The following RILP variants were observed in gnomAD, a reference collection of about 807,000 sequenced individuals.
RILP encodes the protein rab-interacting lysosomal protein.
In RILP, 53 loss-of-function variants were observed where a neutral mutation model predicts 40.0. That is an observed-to-expected ratio of 1.32 (90% confidence interval 1.06 to 1.66). The LOEUF is 1.66. Among genes scored for constraint, RILP ranks in the 40% most tolerant of loss-of-function variants. The probability of loss-of-function intolerance (pLI) is 0.00; values close to 1 mark genes in which losing one functional copy is unlikely to be tolerated. For synonymous variants in RILP, 272 were observed against 250.6 expected, an observed-to-expected ratio of 1.09 and a Z score of -0.80; for missense variants, 626 against 551.7, an observed-to-expected ratio of 1.13 and a Z score of -1.35.
chr17:1,647,359 C>G (rs1567669759), intron 6 of RILP, among the ~76,000 whole-genome samples: 1 of 152,032 alleles, frequency 6.6e-6, no homozygotes, highest in Non-Finnish European at 1.5e-5. Flanking sequence ...ACGCTGGTCT[C>G]GAACTCCTGA....
chr17:1,648,314 G>A lies in RILP; in HGVS notation c.821+36C>T, dbSNP rs1180425893. The A allele has an allele frequency of 1.2e-6, 2 of 1,604,068 alleles. No homozygotes were observed. Among genetic ancestry groups the A allele is most frequent in the South Asian group, 1.1e-5 (1 of 89,434 alleles). ...GTCAATGACTGGAGAATGAGGTGGG[G>A]TGATCGGAGGCCCCCCGGCTTCCCA... On this transcript the variant is annotated intron_variant, in intron 5 of 7. Transcript: ENST00000301336. This position sits in a 1 kb window ranked among gnomAD's most constrained non-coding sequence, Gnocchi z 4.9.
At position 1,648,877 on chromosome 17, in the gene RILP, C is replaced by T. The variant is rs76453306; in HGVS notation, c.597G>A (p.Gly199=). 0.023 allele frequency: 35,225 copies of T among 1,531,784 alleles called. 4,616 individuals are homozygous for T. In the African/African-American group the frequency reaches 0.35, roughly 15 times the overall value. 94.9% of individuals were successfully genotyped at this position (1,531,784 alleles called of 1,614,324 possible). ...CCTGTCCGTGCTGGTGCCCGGGCCGCCCGGCCTGCCCCCGCGCTCGCTCTT... is the reference window on the plus strand; with the variant it reads ...CCTGTCCGTGCTGGTGCCCGGGCCGTCCGGCCTGCCCCCGCGCTCGCTCTT... ...QAKERARGQA[G]RPGHQHGQEP... Residue 199 remains glycine (G), a synonymous_variant, in exon 4 of 8, where the codon GGG becomes GGA. Transcript: ENST00000301336. The surrounding 1 kb of genome is among the most constrained non-coding windows in gnomAD (Gnocchi z 4.9).
Position 1,648,319 on chromosome 17 carries a change from C to A in RILP, c.821+31G>T, listed in dbSNP as rs1416398413. 3 of 1,605,772 alleles carry A rather than the reference C, an allele frequency of 1.9e-6. No individual in the cohort carries two copies. The highest frequency in any genetic ancestry group is 1.7e-4 in the Middle Eastern group (1 of 6,016). On this transcript the variant is annotated intron_variant, in intron 5 of 7. Coordinates refer to ENST00000301336, the MANE Select transcript of RILP (RefSeq NM_031430.3). The surrounding 1 kb of genome is among the most constrained non-coding windows in gnomAD (Gnocchi z 4.9). ...TGACTGGAGAATGAGGTGGGGTGAT[C>A]GGAGGCCCCCCGGCTTCCCAGCGTC...
intron 6 of RILP, 58 bp downstream of exon 6, chr17:1,647,777 G>C: frequency 6.2e-7 from 1 of 1,609,708 alleles, no homozygotes; most frequent in South Asian, 1.1e-5. Context: ...TGGGTCATCA[G>C]GCTCAGCAGA....
intron 6 of RILP, among the ~76,000 whole-genome samples, chr17:1,647,566 T>C (rs1263602233): frequency 6.6e-6 from 1 of 151,998 alleles, no homozygotes; most frequent in African/African-American, 2.4e-5. Context: ...AGAGGCAGTG[T>C]TGTCAGGCAG....
chr17:1,647,752 A>G, intron 6 of RILP, 83 bp downstream of exon 6: 1 of 1,565,898 alleles, frequency 6.4e-7, no homozygotes, highest in Admixed American at 1.7e-5. Flanking sequence ...CAATGGGCTC[A>G]GAGGGTGACC....
At position 1,649,488 on chromosome 17, in the gene RILP, C is replaced by T. The variant is rs1910840727; in HGVS notation, c.246G>A (p.Gln82=). 2 of 1,511,122 alleles carry T rather than the reference C, an allele frequency of 1.3e-6. No homozygotes were observed. The highest frequency in any genetic ancestry group is 5.2e-5 in the East Asian group (2 of 38,516). The allele number at this position is 1,511,122 out of a possible 1,614,324, so 93.6% of individuals were successfully genotyped here. A position where few individuals can be genotyped will look rare whatever the true frequency, so the allele number is the denominator to read the frequency against. The change falls in exon 2 of 8, where the codon CAG becomes CAA. Residue 82 remains glutamine, a synonymous_variant. Coordinates refer to ENST00000301336, the MANE Select transcript of RILP (RefSeq NM_031430.3). This position sits in a 1 kb window ranked among gnomAD's most constrained non-coding sequence, Gnocchi z 4.3. ...PAPDSLQVSA[Q]PAEQELRRLR... is the part of the protein sequence containing the mutation. The stretch of plus-strand genomic sequence containing the variant: ...GCCGCCGCAGCTCCTGCTCCGCCGG[C>T]TGCGCCGACACCTGCAGCTGGGGAG...
rs1332980590 is a variant in RILP, at chr17:1,649,624, C to G, written c.181G>C (p.Ala61Pro). 2 of 1,582,448 alleles carry G rather than the reference C, an allele frequency of 1.3e-6. No homozygotes were observed. Among genetic ancestry groups the G allele is most frequent in the Non-Finnish European group, 1.7e-6 (2 of 1,172,326 alleles). The change falls in exon 1 of 8, where the codon GCG becomes CCG. Residue 61 changes from alanine to proline, a missense_variant. Physicochemically the swap from Ala to Pro is conservative, Grantham distance 27. Transcript: ENST00000301336. The surrounding 1 kb of genome is among the most constrained non-coding windows in gnomAD (Gnocchi z 4.3). ...GCAGCCTGTTCCAAGAGCTCCAGCG[C>G]CCGCACCACTAGCGGCACCAGCCCG... ...AAGLVPLVVR[A>P]LELLEQAAVG...
chr17:1,647,877 A>G lies in RILP; in HGVS notation c.902T>C (p.Ile301Thr). 5.6e-6 allele frequency: 9 copies of G among 1,614,088 alleles called. No individual in the cohort carries two copies. The highest frequency in any genetic ancestry group is 5.9e-6 in the Non-Finnish European group (7 of 1,179,988). Residue 301 changes from isoleucine to threonine, a missense_variant, in exon 6 of 8, where the codon ATC (isoleucine) becomes ACC (threonine). Transcript: ENST00000301336. Reference protein sequence around the residue: ...KVAVRKQRKKIKAKMLGTPEE... With the variant: ...KVAVRKQRKKTKAKMLGTPEE... ...TGGTGTCCCTAACATCTTGGCCTTG[A>G]TCTTCTTCCGCTGCTTCCGGACAGC... is the stretch of plus-strand genomic sequence containing the variant.
At position 1,649,296 on chromosome 17, in the gene RILP, C is replaced by G; in HGVS notation, c.333G>C (p.Ala111=). ...ELRAGPQEER[A]LLRQLKEVTD... ...TGACCTCCTTGAGCTGCCGCAGCAG[C>G]GCGCGCTCCTCTGAGGAAGGGGCGT... Residue 111 remains alanine (A), a synonymous_variant, in exon 3 of 8, where the codon GCG becomes GCC. Transcript: ENST00000301336. The surrounding 1 kb of genome is among the most constrained non-coding windows in gnomAD (Gnocchi z 4.3). 5 of 1,503,460 alleles carry G rather than the reference C, an allele frequency of 3.3e-6. No homozygotes were observed. The highest frequency in any genetic ancestry group is 4.4e-6 in the Non-Finnish European group (5 of 1,133,142). 93.1% of individuals were successfully genotyped at this position (1,503,460 alleles called of 1,614,324 possible). A position where few individuals can be genotyped will look rare whatever the true frequency, so the allele number is the denominator to read the frequency against.
At chr17:1,647,054 C>G in intron 6 of RILP, 65 bp from the exon 7 acceptor site, 3 of 1,135,264 alleles carry the variant, frequency 2.6e-6, no homozygotes, top group Non-Finnish European at 2.5e-6. Flanking sequence ...AACAGGAATC[C>G]AGCAGGGGGG....
In RILP at chr17:1,648,350, C is replaced by T. The variant is rs750340879; in HGVS notation, c.821G>A (p.Arg274Gln). 10 of 1,613,054 alleles carry T rather than the reference C, an allele frequency of 6.2e-6. No individual in the cohort carries two copies. Among genetic ancestry groups the T allele is most frequent in the South Asian group, 5.5e-5 (5 of 90,846 alleles). Residue 274 changes from arginine to glutamine, a missense_variant and splice_region_variant, in exon 5 of 8, where the codon CGG becomes CAG. By Grantham distance (43) the Arg-to-Gln change is conservative. Transcript: ENST00000301336. This position sits in a 1 kb window ranked among gnomAD's most constrained non-coding sequence, Gnocchi z 4.9. ...CCCCCCGGCTTCCCAGCGTCCTCAC[C>T]GCTGGAAGTAGGCCAGTTCCTCCTT... ...LLKEELAYFQ[R>Q]ELLTDHRVPG...
In RILP at chr17:1,649,260, C is replaced by T. The variant is rs866925326; in HGVS notation, c.369G>A (p.Gln123=). The change falls in exon 3 of 8, where the codon CAG becomes CAA. Residue 123 remains glutamine, a synonymous_variant. Coordinates refer to ENST00000301336, the MANE Select transcript of RILP (RefSeq NM_031430.3). This position sits in a 1 kb window ranked among gnomAD's most constrained non-coding sequence, Gnocchi z 4.3. ...GGTTGTGCGCCCGGAGTTCGTCCCG[C>T]TGTCGGTCCGTGACCTCCTTGAGCT... ...LRQLKEVTDR[Q]RDELRAHNRD... is the part of the protein sequence containing the mutation. 2.0e-6 allele frequency: 3 copies of T among 1,507,672 alleles called. No homozygotes were observed. The highest frequency in any genetic ancestry group is 2.8e-5 in the East Asian group (1 of 36,142). 93.4% of individuals were successfully genotyped at this position (1,507,672 alleles called of 1,614,324 possible).
At position 1,649,082 on chromosome 17, in the gene RILP, G is replaced by GC; in HGVS notation, c.430-39_430-38insG. 1 of 1,204,300 alleles carries GC rather than the reference G, an allele frequency of 8.3e-7. No homozygotes were observed. The highest frequency in any genetic ancestry group is 1.0e-6 in the Non-Finnish European group (1 of 961,554). 74.6% of individuals were successfully genotyped at this position (1,204,300 alleles called of 1,614,324 possible). ...CAAAGGGTGGGGTGGGCGGGGCACC[G>GC]AGGGCCCCCCGGAGCCCCGCCCAGC... On this transcript the variant is annotated intron_variant, in intron 3 of 7. Transcript: ENST00000301336. This position sits in a 1 kb window ranked among gnomAD's most constrained non-coding sequence, Gnocchi z 4.3.
chr17:1,646,981 T>G lies in RILP; in HGVS notation c.953A>C (p.Glu318Ala). The change falls in exon 7 of 8, where the codon GAG becomes GCG. Residue 318 changes from glutamate to alanine, a missense_variant. By Grantham distance (107) the Glu-to-Ala change is moderately radical. Coordinates refer to ENST00000301336, the MANE Select transcript of RILP (RefSeq NM_031430.3). The surrounding 1 kb of genome is among the most constrained non-coding windows in gnomAD (Gnocchi z 4.3). ...GGAGAGCAGGATCCATGGGCCAGCC[T>G]CATCCTCACTGAGACAGAGGAGAGA... ...TPEEAESSEDEAGPWILLSDD... is the reference protein window; with the variant it reads ...TPEEAESSEDAAGPWILLSDD... 2.5e-6 allele frequency: 4 copies of G among 1,605,238 alleles called. No individual in the cohort carries two copies. The highest frequency in any genetic ancestry group is 3.4e-6 in the Non-Finnish European group (4 of 1,175,306).
Position 1,649,072 on chromosome 17 carries a change from G to C in RILP, c.430-28C>G. The stretch of plus-strand genomic sequence containing the variant: ...GGGAGCGGAGCAAAGGGTGGGGTGG[G>C]CGGGGCACCGAGGGCCCCCCGGAGC... On this transcript the variant is annotated intron_variant, in intron 3 of 7. Transcript: ENST00000301336. This position sits in a 1 kb window ranked among gnomAD's most constrained non-coding sequence, Gnocchi z 4.3. 2 of 209,406 alleles carry C rather than the reference G, an allele frequency of 9.6e-6. No individual in the cohort carries two copies. The highest frequency in any genetic ancestry group is 2.5e-5 in the African/African-American group (1 of 40,188). The allele number at this position is 209,406 out of a possible 1,614,324, so 13.0% of individuals were successfully genotyped here.
intron 6 of RILP, among the ~76,000 whole-genome samples, chr17:1,647,278 T>C (rs1910660350): frequency 6.6e-6 from 1 of 152,088 alleles, no homozygotes; most frequent in Admixed American, 6.5e-5. Context: ...TAGCTGGGAT[T>C]ATAGGCACAT....
chr17:1,647,799 A>G, intron 6 of RILP, 36 bp downstream of exon 6: 1 of 1,613,172 alleles, frequency 6.2e-7, no homozygotes, highest in Non-Finnish European at 8.5e-7. Context: ...TGAGGGAGGG[A>G]GGCCTGGCTC....
rs1390739853 is a variant in RILP at position 1,647,004 on chromosome 17, AGAG to A, written c.945-18_945-16del. On this transcript the variant is annotated splice_polypyrimidine_tract_variant and intron_variant, in intron 6 of 7. Transcript: ENST00000301336. ...CCTCATCCTCACTGAGACAGAGGAG[AGAG>A]GAGAAGTGAGGGCCATTGATCAAGG... is the stretch of plus-strand genomic sequence containing the variant. The A allele has an allele frequency of 1.5e-5, 24 of 1,562,208 alleles. No individual in the cohort carries two copies. The highest frequency in any genetic ancestry group is 3.5e-5 in the South Asian group (3 of 85,010).
Sources: gnomAD v4.1 joint callset for allele counts (sites outside exome capture counted in the v4.1 genomes callset) on GRCh38, gnomAD v4.1.1 for gene constraint, Gnocchi (gnomAD v3.1) non-coding constraint, MANE v1.5 for transcripts, NCBI Gene and HGNC (gene_info 2026-07-23, HGNC 2026-07-21) for gene names.